Variants in CTNND2 observed in about 807,000 individuals in gnomAD.
The protein encoded by CTNND2 is catenin delta-2.
Under a neutral mutation model 144.4 loss-of-function variants are expected in CTNND2, and 22 were observed. The ratio of observed to expected loss-of-function variants is 0.15; its 90% CI spans 0.11 to 0.22. CTNND2 has a LOEUF of 0.22. Ranked by LOEUF, CTNND2 falls within the 10% of genes least tolerant of loss-of-function variation. CTNND2 has a pLI of 1.00. For synonymous variants in CTNND2, 751 were observed against 695.6 expected (o/e 1.08, Z -1.25); for missense variants, 1,353 against 1,618.8 (o/e 0.84, Z 2.82).
chr5:11,377,058 T>TG (rs1758010895), intron 7 of CTNND2, among the ~76,000 whole-genome samples: 1 of 151,442 alleles, frequency 6.6e-6, no homozygotes, highest in Non-Finnish European at 1.5e-5. Flanking sequence ...TTGTCTCCTT[T>TG]TTTTTTTTTT....
intron 1 of CTNND2, among the ~76,000 whole-genome samples, chr5:11,834,764 G>A (rs1015188593): frequency 1.3e-5 from 2 of 152,062 alleles, no homozygotes. Context: ...ACCCACTTTC[G>A]AATCTCCTGA....
intron 2 of CTNND2, among the ~76,000 whole-genome samples, chr5:11,591,509 C>T (rs2150143199): frequency 6.6e-6 from 1 of 151,972 alleles, no homozygotes; most frequent in African/African-American, 2.4e-5. Context: ...TATTTGTCTG[C>T]TTGATGCTTC....
intron 12 of CTNND2, among the ~76,000 whole-genome samples, chr5:11,120,326 G>A (rs201605966): frequency 5.7e-5 from 8 of 141,244 alleles, no homozygotes; most frequent in East Asian, 4.3e-4. Context: ...GTCTGAAGGG[G>A]TGATGAGGCT....
rs1758886560 is a variant in CTNND2 at position 11,384,861 on chromosome 5, G to A, written c.981C>T (p.Ser327=). The A allele has an allele frequency of 3.7e-6, 6 of 1,612,688 alleles. No homozygotes were observed. In the East Asian group the frequency reaches 8.9e-5, roughly 24 times the overall value. Residue 327 remains serine, a synonymous_variant, in exon 7 of 22, where the codon TCC becomes TCT. Transcript: ENST00000304623. The surrounding 1 kb of genome is among the most constrained non-coding windows in gnomAD (Gnocchi z 5.2). ...INIVVSSAGL[S]PIRVTSPPTV... ...TGGGGGGCGAGGTCACGCGGATCGG[G>A]GACAGGCCGGCCGAGGACACGACGA...
At chr5:11,244,431 C>A (rs1463451299) in intron 9 of CTNND2, among the ~76,000 whole-genome samples, 3 of 151,878 alleles carry the variant, frequency 2.0e-5, no homozygotes, top group Non-Finnish European at 4.4e-5. Flanking sequence ...ATTACAGGCA[C>A]CCACCACCAC....
chr5:11,521,508 A>G (rs1382015061), intron 3 of CTNND2, among the ~76,000 whole-genome samples: 1 of 152,218 alleles, frequency 6.6e-6, no homozygotes, highest in Non-Finnish European at 1.5e-5. Context: ...TGAATGCTCA[A>G]TGCATGTTTG....
intron 3 of CTNND2, among the ~76,000 whole-genome samples, chr5:11,516,300 A>G (rs1471322938): frequency 6.6e-6 from 1 of 152,050 alleles, no homozygotes; most frequent in East Asian, 1.9e-4. Flanking sequence ...CTTCTACTCA[A>G]CATGGTAAAG....
chr5:11,545,778 T>C (rs904022620), intron 3 of CTNND2, among the ~76,000 whole-genome samples: 3 of 151,736 alleles, frequency 2.0e-5, no homozygotes, highest in African/African-American at 7.3e-5. Context: ...AATACAAACA[T>C]GTGTGTCCAC....
intron 2 of CTNND2, among the ~76,000 whole-genome samples, chr5:11,640,551 T>C (rs1781947578): frequency 6.6e-6 from 1 of 152,198 alleles, no homozygotes; most frequent in African/African-American, 2.4e-5. Flanking sequence ...GTAAGTATGA[T>C]TAATTAGTAA....
At chr5:11,681,642 C>T (rs1039743280) in intron 2 of CTNND2, among the ~76,000 whole-genome samples, 2 of 152,160 alleles carry the variant, frequency 1.3e-5, no homozygotes, top group East Asian at 3.9e-4. Flanking sequence ...TTTGTATATG[C>T]CAACAATTTT....
intron 16 of CTNND2, among the ~76,000 whole-genome samples, chr5:11,049,104 G>A (rs555832633): frequency 1.2e-4 from 19 of 152,336 alleles, no homozygotes; most frequent in African/African-American, 4.6e-4. Context: ...GTAAGACGAG[G>A]TCACTGCTGG....
chr5:11,754,019 A>T (rs1166633257), intron 1 of CTNND2, among the ~76,000 whole-genome samples: 3 of 151,080 alleles, frequency 2.0e-5, no homozygotes, highest in African/African-American at 7.3e-5. Context: ...GGTCAGTGGT[A>T]ATGTCCTCTT....
intron 3 of CTNND2, among the ~76,000 whole-genome samples, chr5:11,525,869 A>G (rs981240801): frequency 2.0e-5 from 3 of 152,194 alleles, no homozygotes; most frequent in African/African-American, 7.2e-5. Context: ...AAGTCCTTGA[A>G]CAGAAATAAG....
chr5:11,398,506 G>T (rs138323720), intron 5 of CTNND2, among the ~76,000 whole-genome samples: 94 of 151,786 alleles, frequency 6.2e-4, no homozygotes, highest in African/African-American at 2.1e-3. Context: ...ACAACATGAA[G>T]ATAATTTTTC....
intron 1 of CTNND2, among the ~76,000 whole-genome samples, chr5:11,831,561 G>A (rs1023941764): frequency 2.0e-5 from 3 of 151,834 alleles, no homozygotes; most frequent in Admixed American, 1.3e-4. Context: ...CCAGCTACTC[G>A]GGAGGCTGAG....
intron 2 of CTNND2, among the ~76,000 whole-genome samples, chr5:11,661,439 T>G (rs2126567793): frequency 6.6e-6 from 1 of 152,274 alleles, no homozygotes; most frequent in Admixed American, 6.5e-5. Context: ...TATTGCAAAC[T>G]TTTGCAACAT....
At chr5:11,168,679 G>A (rs2149783138) in intron 11 of CTNND2, among the ~76,000 whole-genome samples, 1 of 152,258 alleles carries the variant, frequency 6.6e-6, no homozygotes, top group Non-Finnish European at 1.5e-5. Context: ...TTATCTGACA[G>A]CTGTCATATT....
chr5:11,189,450 C>T (rs965096104), intron 11 of CTNND2, among the ~76,000 whole-genome samples: 16 of 152,136 alleles, frequency 1.1e-4, no homozygotes, highest in African/African-American at 3.9e-4. Context: ...CTTCCTCCTC[C>T]TCAGCCTACT....
intron 3 of CTNND2, among the ~76,000 whole-genome samples, chr5:11,539,457 C>T (rs1774522845): frequency 6.6e-6 from 1 of 152,356 alleles, no homozygotes; most frequent in Admixed American, 6.5e-5. Flanking sequence ...CACCTAGCTA[C>T]TTATCACCTA....
Sources: gnomAD v4.1 joint callset for allele counts (sites outside exome capture counted in the v4.1 genomes callset) on GRCh38, gnomAD v4.1.1 for gene constraint, Gnocchi (gnomAD v3.1) non-coding constraint, MANE v1.5 for transcripts, NCBI Gene and HGNC (gene_info 2026-07-23, HGNC 2026-07-21) for gene names.